The following CSMD2 variants were observed in gnomAD, a reference collection of about 807,000 sequenced individuals.
CSMD2 encodes the protein CUB and sushi domain-containing protein 2.
CSMD2 carries 130 observed loss-of-function variants against 398.5 expected under a neutral mutation model. That is an observed-to-expected ratio of 0.33 (90% CI 0.28 to 0.38). CSMD2 has a LOEUF of 0.38. Among genes scored for constraint, CSMD2 ranks in the 10% least tolerant of loss-of-function variants. CSMD2 has a pLI of 1.00. For synonymous variants in CSMD2, 1,828 were observed against 1,908.5 expected (o/e 0.96, Z 1.10); for missense variants, 3,829 against 4,764.9 (o/e 0.80, Z 5.78).
chr1:33,998,067 G>A (rs1419989950), intron 3 of CSMD2, among the ~76,000 whole-genome samples: 4 of 152,140 alleles, frequency 2.6e-5, no homozygotes, highest in African/African-American at 7.2e-5. Context: ...TTCAAAAGGC[G>A]ATTAGGTCAT....
At chr1:34,069,641 C>T (rs1219926792) in intron 2 of CSMD2, among the ~76,000 whole-genome samples, 1 of 152,164 alleles carries the variant, frequency 6.6e-6, no homozygotes, top group African/African-American at 2.4e-5. Flanking sequence ...TCCTGACCCT[C>T]CAGTAAGCTC....
In CSMD2 at chr1:33,572,742, G is replaced by A. The variant is rs759680571; in HGVS notation, c.7577-51C>T. 9.7e-6 allele frequency: 14 copies of A among 1,447,480 alleles called. No homozygotes were observed. The Admixed American group carries it at 2.0e-4, about 21-fold the overall frequency. 89.7% of individuals were successfully genotyped at this position (1,447,480 alleles called of 1,614,324 possible). A position where few individuals can be genotyped will look rare whatever the true frequency, so the allele number is the denominator to read the frequency against. ...AGCATTTGTTTTAAGATGGTATTCT[G>A]AGAAACTATTTTTATCCTTCCTCCC... On this transcript the variant is annotated intron_variant, in intron 49 of 70. Coordinates refer to ENST00000373381, the MANE Select transcript of CSMD2 (RefSeq NM_001281956.2).
At chr1:34,045,038 TAC>T (rs10588687) in intron 2 of CSMD2, among the ~76,000 whole-genome samples, 6,908 of 142,740 alleles carry the variant, frequency 0.048, 247 homozygotes, top group East Asian at 0.15. Context: ...TCACACACCA[TAC>T]ACACACACAC....
intron 24 of CSMD2, among the ~76,000 whole-genome samples, chr1:33,696,938 A>T (rs765911854): frequency 6.6e-6 from 1 of 152,204 alleles, no homozygotes; most frequent in Non-Finnish European, 1.5e-5. Context: ...GTAGACCATG[A>T]TGAAGTCGAC....
intron 3 of CSMD2, among the ~76,000 whole-genome samples, chr1:33,944,499 C>A (rs1644781617): frequency 6.6e-6 from 1 of 152,140 alleles, no homozygotes; most frequent in Non-Finnish European, 1.5e-5. Context: ...CTCCACCCTT[C>A]CCCATTAAAA....
intron 46 of CSMD2, among the ~76,000 whole-genome samples, chr1:33,584,972 G>A (rs552760012): frequency 1.3e-5 from 2 of 152,298 alleles, no homozygotes; most frequent in East Asian, 3.9e-4. Flanking sequence ...CCCTTCCCCA[G>A]CACTGAGGAG....
chr1:33,524,596 G>A (rs1348005875), intron 66 of CSMD2, among the ~76,000 whole-genome samples: 1 of 152,104 alleles, frequency 6.6e-6, no homozygotes, highest in Admixed American at 6.6e-5. Flanking sequence ...TTGGGATCCT[G>A]GGAAGTCTCT....
rs531439635 is a variant in CSMD2 at position 33,568,250 on chromosome 1, C to T, written c.8132-409G>A. On this transcript the variant is annotated intron_variant, in intron 52 of 70. Transcript: ENST00000373381. ...TCTGCCAGGCTGGACTGCAGTGGCA[C>T]GATCTTGGCTCACTGCAATGTCCAC... Among the ~76,000 whole-genome samples, 153 of 149,792 alleles carry T rather than the reference C, an allele frequency of 1.0e-3. 1 individual carries two copies. The highest frequency in any genetic ancestry group is 1.4e-3 in the African/African-American group (55 of 40,564).
At chr1:34,015,225 G>A (rs1235847115) in intron 3 of CSMD2, among the ~76,000 whole-genome samples, 1 of 152,176 alleles carries the variant, frequency 6.6e-6, no homozygotes, top group Non-Finnish European at 1.5e-5. Flanking sequence ...ATGGGATCTT[G>A]GAGGGGAAGC....
At chr1:34,127,238 A>G (rs1382935264) in intron 1 of CSMD2, among the ~76,000 whole-genome samples, 1 of 152,212 alleles carries the variant, frequency 6.6e-6, no homozygotes, top group East Asian at 1.9e-4. Flanking sequence ...GAGACTGAGT[A>G]TGGACTATTT....
At chr1:33,571,209 C>T (rs1426387554) in intron 51 of CSMD2, among the ~76,000 whole-genome samples, 10 of 152,088 alleles carry the variant, frequency 6.6e-5, no homozygotes, top group Non-Finnish European at 1.3e-4. Flanking sequence ...TGGGCAGGAA[C>T]CAAAATCTTT....
At chr1:34,104,250 TACATTCATCTC>T (rs1338308859) in intron 1 of CSMD2, among the ~76,000 whole-genome samples, 7 of 152,254 alleles carry the variant, frequency 4.6e-5, no homozygotes, top group Non-Finnish European at 7.3e-5. Flanking sequence ...TTGATTTTTA[TACATTCATCTC>T]ACATCCAGCC....
chr1:33,910,581 C>T (rs949639860), intron 5 of CSMD2, among the ~76,000 whole-genome samples: 3 of 152,218 alleles, frequency 2.0e-5, no homozygotes, highest in Admixed American at 2.0e-4. Flanking sequence ...GAGGACATCC[C>T]TTGGCTACAC....
chr1:33,572,471 T>C (rs1659682441), intron 50 of CSMD2, 35 bp downstream of exon 50: 9 of 1,507,320 alleles, frequency 6.0e-6, no homozygotes, highest in Non-Finnish European at 8.1e-6. Flanking sequence ...TACCTAGCCC[T>C]TCCTTACACC....
chr1:33,804,349 C>A (rs1655971944), intron 10 of CSMD2, among the ~76,000 whole-genome samples: 1 of 152,204 alleles, frequency 6.6e-6, no homozygotes, highest in African/African-American at 2.4e-5. Context: ...GAATTACTTC[C>A]AGTTCTAAGG....
At chr1:33,649,552 G>A (rs1000943221) in intron 28 of CSMD2, among the ~76,000 whole-genome samples, 19 of 152,192 alleles carry the variant, frequency 1.2e-4, no homozygotes, top group African/African-American at 4.6e-4. Context: ...GCTGAGGCAT[G>A]AGAATTGCTT....
At chr1:33,575,921 G>T (rs1304958425) in intron 49 of CSMD2, among the ~76,000 whole-genome samples, 2 of 152,140 alleles carry the variant, frequency 1.3e-5, no homozygotes, top group African/African-American at 4.8e-5. Flanking sequence ...GGAACCAAAG[G>T]AAAAATCAAA....
At chr1:34,111,821 G>T (rs1331262371) in intron 1 of CSMD2, among the ~76,000 whole-genome samples, 1 of 152,118 alleles carries the variant, frequency 6.6e-6, no homozygotes, top group Non-Finnish European at 1.5e-5. Context: ...TCATATGCCA[G>T]ACACAGCATG....
chr1:33,676,824 A>T (rs529064380), intron 25 of CSMD2, among the ~76,000 whole-genome samples: 124 of 152,330 alleles, frequency 8.1e-4, no homozygotes, highest in African/African-American at 2.6e-3. Context: ...CAACCACCTG[A>T]TCTTTGACAA....
Sources: gnomAD v4.1 joint callset for allele counts (sites outside exome capture counted in the v4.1 genomes callset) on GRCh38, gnomAD v4.1.1 for gene constraint, MANE v1.5 for transcripts, NCBI Gene and HGNC (gene_info 2026-07-23, HGNC 2026-07-21) for gene names.